CYP4F2: variants seen among roughly 807,000 people sequenced by gnomAD.
CYP4F2 encodes the protein cytochrome P450 family 4 subfamily F member 2.
In CYP4F2, 58 loss-of-function variants were observed where a neutral mutation model predicts 58.9. The ratio of observed to expected loss-of-function variants is 0.98; its 90% confidence interval spans 0.80 to 1.23. The LOEUF is 1.23. Among genes scored for constraint, CYP4F2 ranks in the 50% most tolerant of loss-of-function variants. The probability of loss-of-function intolerance (pLI) is 0.00; values close to 1 mark genes in which losing one functional copy is unlikely to be tolerated. For missense variants in CYP4F2, 616 were observed against 685.6 expected (o/e 0.90, Z 1.13); for synonymous variants, 287 against 261.1 (o/e 1.10, Z -0.95).
intron 5 of CYP4F2, among the ~76,000 whole-genome samples, chr19:15,891,614 T>C (rs763784723): frequency 4.6e-5 from 7 of 152,206 alleles, no homozygotes; most frequent in Non-Finnish European, 1.0e-4. Context: ...GTGTTGGACT[T>C]TTGGCTTTCG....
rs1489385427 is a variant in CYP4F2 at position 15,878,292 on chromosome 19, T to A, written c.*479A>T. 1.9e-5 allele frequency: 3 copies of A among 155,832 alleles called. No homozygotes were observed. The highest frequency in any genetic ancestry group is 4.3e-5 in the Non-Finnish European group (3 of 70,500). 9.7% of individuals were successfully genotyped at this position (155,832 alleles called of 1,614,324 possible). A position where few individuals can be genotyped will look rare whatever the true frequency, so the allele number is the denominator to read the frequency against. The stretch of plus-strand genomic sequence containing the variant: ...AAACCCCATACTGATTAGCAGTCGC[T>A]CCTCAGTCCCACCTCCCCACAGCTG... On this transcript the variant is annotated 3_prime_UTR_variant, in exon 13 of 13. Coordinates refer to ENST00000221700, the MANE Select transcript of CYP4F2 (RefSeq NM_001082.5).
intron 3 of CYP4F2, among the ~76,000 whole-genome samples, chr19:15,894,334 G>A (rs993018415): frequency 5.9e-5 from 9 of 152,146 alleles, no homozygotes; most frequent in African/African-American, 2.2e-4. Context: ...ACAGGGATTG[G>A]GTGAAAAATT....
At position 15,879,328 on chromosome 19, in the gene CYP4F2, G is replaced by A. The variant is rs1314156199; in HGVS notation, c.1397+18C>T. ...CACCCATCAACCCGTTCCCACCTCA[G>A]ACACAGGCCGCCCTTACCTGGGCCC... On this transcript the variant is annotated intron_variant, in intron 12 of 12. Coordinates refer to ENST00000221700, the MANE Select transcript of CYP4F2 (RefSeq NM_001082.5). 1.4e-5 allele frequency: 23 copies of A among 1,613,646 alleles called. No homozygotes were observed. Among genetic ancestry groups the A allele is most frequent in the African/African-American group, 2.7e-5 (2 of 74,878 alleles).
At chr19:15,897,844 A>AGAGT in intron 1 of CYP4F2, 182 bp downstream of exon 1, 1 of 505,644 alleles carries the variant, frequency 2.0e-6, no homozygotes, top group Non-Finnish European at 3.5e-6. Flanking sequence ...AGAGAGAGAG[A>AGAGT]CTGATTAAAG....
At chr19:15,894,992 C>T (rs2089439642) in intron 3 of CYP4F2, among the ~76,000 whole-genome samples, 1 of 152,200 alleles carries the variant, frequency 6.6e-6, no homozygotes, top group South Asian at 2.1e-4. Flanking sequence ...GGCTTTGGGA[C>T]AGGCAAGGTG....
rs148134815 is a variant in CYP4F2, at chr19:15,886,282, A to C, written c.945T>G (p.Asp315Glu). ...TGTCAGCTTCTGCTCTTATGTCCTC[A>C]TCAGATAACTTCTTCCCGTCTTCAT... Reference protein sequence around the residue: ...SKDEDGKKLSDEDIRAEADTF... With the variant: ...SKDEDGKKLSEEDIRAEADTF... The change falls in exon 8 of 13, where the codon GAT (aspartate) becomes GAG (glutamate). Residue 315 changes from aspartate to glutamate, a missense_variant. Transcript: ENST00000221700. The C allele has an allele frequency of 7.4e-6, 12 of 1,613,878 alleles. No homozygotes were observed. The African/African-American group carries it at 1.2e-4, about 16-fold the overall frequency.
Position 15,879,675 on chromosome 19 carries a change from G to A in CYP4F2, c.1250-7C>T, listed in dbSNP as rs2144999438. ...CTGATGAGGCAGATAATGCCTGTGG[G>A]AGAGAAGGGAGCAGTCAGGAGAAGG... On this transcript the variant is annotated splice_region_variant and splice_polypyrimidine_tract_variant and intron_variant, in intron 10 of 12. Coordinates refer to ENST00000221700, the MANE Select transcript of CYP4F2 (RefSeq NM_001082.5). The A allele has an allele frequency of 6.2e-7, 1 of 1,614,160 alleles. No individual in the cohort carries two copies.
chr19:15,890,197 G>T, intron 6 of CYP4F2, 115 bp downstream of exon 6: 1 of 1,542,890 alleles, frequency 6.5e-7, no homozygotes, highest in Non-Finnish European at 8.9e-7. Context: ...CAATGATCAG[G>T]TATAACAAAA....
At chr19:15,890,558 CA>C in intron 5 of CYP4F2, 125 bp from the exon 6 acceptor site, 1 of 1,418,152 alleles carries the variant, frequency 7.1e-7, no homozygotes, top group Non-Finnish European at 9.4e-7. Flanking sequence ...GACCCCTCCC[CA>C]GGGAGCACCA....
chr19:15,878,524 T>A lies in CYP4F2; in HGVS notation c.*247A>T, dbSNP rs1241766887. 4 of 632,106 alleles carry A rather than the reference T, an allele frequency of 6.3e-6. No homozygotes were observed. The highest frequency in any genetic ancestry group is 1.0e-5 in the Non-Finnish European group (4 of 382,140). The allele number at this position is 632,106 out of a possible 1,614,324, so 39.2% of individuals were successfully genotyped here. A position where few individuals can be genotyped will look rare whatever the true frequency, so the allele number is the denominator to read the frequency against. On this transcript the variant is annotated 3_prime_UTR_variant, in exon 13 of 13. Coordinates refer to ENST00000221700, the MANE Select transcript of CYP4F2 (RefSeq NM_001082.5). ...ACTCCATTGTATGGATGGACCACAT[T>A]TTGTTTATCCTTTCATCTGGTAATA...
intron 3 of CYP4F2, among the ~76,000 whole-genome samples, chr19:15,894,916 G>C (rs2145014725): frequency 6.6e-6 from 1 of 152,282 alleles, no homozygotes; most frequent in South Asian, 2.1e-4. Context: ...TGACCCACCA[G>C]AGGTGGACAT....
intron 5 of CYP4F2, among the ~76,000 whole-genome samples, chr19:15,891,481 A>G (rs180975305): frequency 6.6e-6 from 1 of 152,196 alleles, no homozygotes; most frequent in East Asian, 1.9e-4. Context: ...AAAATCCTAG[A>G]TACTTCGCAA....
chr19:15,886,146 G>A, intron 8 of CYP4F2, 93 bp from the exon 9 acceptor site: 4 of 1,606,620 alleles, frequency 2.5e-6, no homozygotes, highest in Non-Finnish European at 3.4e-6. Context: ...GGGAGGATGG[G>A]GGAAGGGGGA....
intron 5 of CYP4F2, among the ~76,000 whole-genome samples, chr19:15,890,883 T>G (rs961286187): frequency 6.6e-6 from 1 of 152,122 alleles, no homozygotes; most frequent in Admixed American, 6.6e-5. Flanking sequence ...AAATACATAA[T>G]CTCTCCTTCG....
intron 6 of CYP4F2, 27 bp from the exon 7 acceptor site, chr19:15,889,720 C>A: frequency 6.2e-7 from 1 of 1,609,346 alleles, no homozygotes; most frequent in Non-Finnish European, 8.5e-7. Flanking sequence ...GAAAGGGAGG[C>A]AACAATTTAA....
At chr19:15,890,874 A>G (rs2089412340) in intron 5 of CYP4F2, among the ~76,000 whole-genome samples, 1 of 152,194 alleles carries the variant, frequency 6.6e-6, no homozygotes, top group African/African-American at 2.4e-5. Flanking sequence ...ATGGGGCAAA[A>G]ATACATAATC....
rs373459736 is a variant in CYP4F2, at chr19:15,879,599, C to T, written c.1314+5G>A. 1.0e-4 allele frequency: 167 copies of T among 1,614,050 alleles called. 1 individual carries two copies. The African/African-American group carries it at 1.3e-3, about 12-fold the overall frequency. ...TGGACAAAAACAGAGAGAGGGGCCCCGCACCTCAGGGTCCGGCCACACAGC... is the reference window on the plus strand; with the variant it reads ...TGGACAAAAACAGAGAGAGGGGCCCTGCACCTCAGGGTCCGGCCACACAGC... On this transcript the variant is annotated splice_donor_5th_base_variant and intron_variant, in intron 11 of 12. Coordinates refer to ENST00000221700, the MANE Select transcript of CYP4F2 (RefSeq NM_001082.5).
intron 7 of CYP4F2, 59 bp downstream of exon 7, chr19:15,889,364 C>G: frequency 1.2e-6 from 2 of 1,610,720 alleles, no homozygotes; most frequent in South Asian, 2.2e-5. Flanking sequence ...ATCCTTTCAT[C>G]TGACATTTCA....
Position 15,892,522 on chromosome 19 carries a change from T to C in CYP4F2, c.397+7A>G. 1.2e-6 allele frequency: 2 copies of C among 1,614,092 alleles called. No individual in the cohort carries two copies. Among genetic ancestry groups the C allele is most frequent in the Non-Finnish European group, 1.7e-6 (2 of 1,179,996 alleles). ...TTTCCCAACCCTGTTCACCTGCAGATACTCACCCAGCCAGGGCTCCAGGAA... is the reference window on the plus strand; with the variant it reads ...TTTCCCAACCCTGTTCACCTGCAGACACTCACCCAGCCAGGGCTCCAGGAA... On this transcript the variant is annotated splice_region_variant and intron_variant, in intron 4 of 12. Transcript: ENST00000221700.
Sources: gnomAD v4.1 joint callset for allele counts (sites outside exome capture counted in the v4.1 genomes callset) on GRCh38, gnomAD v4.1.1 for gene constraint, MANE v1.5 for transcripts, NCBI Gene and HGNC (gene_info 2026-07-23, HGNC 2026-07-21) for gene names.